The following LDB2 variants were observed in gnomAD, a reference collection of about 807,000 sequenced individuals.
LDB2 encodes LIM domain binding 2.
In LDB2, 12 loss-of-function variants were observed where a neutral mutation model predicts 44.3. The ratio of observed to expected loss-of-function variants is 0.27; its 90% CI spans 0.17 to 0.44. The LOEUF (loss-of-function observed/expected upper bound fraction) is 0.44, where lower values mean the gene tolerates loss of function less well. Ranked by LOEUF, LDB2 falls within the 20% of genes least tolerant of loss-of-function variation. The probability of loss-of-function intolerance (pLI) is 1.00; values close to 1 mark genes in which losing one functional copy is unlikely to be tolerated. For missense variants in LDB2, 344 were observed against 473.5 expected (o/e 0.73, Z 2.54); for synonymous variants, 164 against 174.8 (o/e 0.94, Z 0.49).
At chr4:16,807,984 G>T (rs1001673221) in intron 1 of LDB2, among the ~76,000 whole-genome samples, 8 of 151,908 alleles carry the variant, frequency 5.3e-5, no homozygotes, top group African/African-American at 9.7e-5. Context: ...TTTCCCCAAA[G>T]AATTTCTTTC....
At chr4:16,572,415 A>T (rs1746886067) in intron 5 of LDB2, among the ~76,000 whole-genome samples, 1 of 152,082 alleles carries the variant, frequency 6.6e-6, no homozygotes, top group Admixed American at 6.5e-5. Context: ...CTCTTTCTCT[A>T]GTGCCTGAGA....
At chr4:16,691,244 T>A (rs1332638059) in intron 2 of LDB2, among the ~76,000 whole-genome samples, 1 of 152,188 alleles carries the variant, frequency 6.6e-6, no homozygotes, top group Admixed American at 6.5e-5. Flanking sequence ...ACCTCTTTTA[T>A]GTGAAAAGGT....
intron 4 of LDB2, among the ~76,000 whole-genome samples, chr4:16,586,892 C>T (rs1717180987): frequency 6.6e-6 from 1 of 152,276 alleles, no homozygotes; most frequent in East Asian, 1.9e-4. Flanking sequence ...TCCACGTCTG[C>T]CTTCATGAGA....
At chr4:16,768,351 A>T (rs1038658915) in intron 1 of LDB2, among the ~76,000 whole-genome samples, 1 of 152,184 alleles carries the variant, frequency 6.6e-6, no homozygotes, top group Non-Finnish European at 1.5e-5. Flanking sequence ...TCTCTTGTAC[A>T]CACACATTTA....
chr4:16,735,626 G>A (rs1429711808), intron 2 of LDB2, among the ~76,000 whole-genome samples: 1 of 151,714 alleles, frequency 6.6e-6, no homozygotes, highest in African/African-American at 2.4e-5. Flanking sequence ...TACCTTAACC[G>A]AGAGATGAAA....
chr4:16,869,356 C>T (rs1472676835), intron 1 of LDB2, among the ~76,000 whole-genome samples: 5 of 150,422 alleles, frequency 3.3e-5, no homozygotes, highest in African/African-American at 1.2e-4. Flanking sequence ...AGGTGCTATG[C>T]TGACCCGTCA....
At chr4:16,761,007 G>GT (rs1396562637) in intron 1 of LDB2, among the ~76,000 whole-genome samples, 2 of 149,588 alleles carry the variant, frequency 1.3e-5, no homozygotes, top group East Asian at 3.9e-4. Flanking sequence ...CTGTGTGTGT[G>GT]GTTTTTTTTT....
intron 5 of LDB2, among the ~76,000 whole-genome samples, chr4:16,516,886 C>G (rs886164493): frequency 6.6e-6 from 1 of 152,138 alleles, no homozygotes; most frequent in South Asian, 2.1e-4. Flanking sequence ...GTGGAGAGTC[C>G]GGGGCTGGAG....
chr4:16,542,104 G>GGGC (rs1553889176), intron 5 of LDB2, among the ~76,000 whole-genome samples: 1 of 147,500 alleles, frequency 6.8e-6, no homozygotes, highest in Non-Finnish European at 1.5e-5. Context: ...CAGGTGGTGG[G>GGGC]GGGGGGGGCG....
chr4:16,889,057 C>T (rs1213640442), intron 1 of LDB2, among the ~76,000 whole-genome samples: 1 of 149,626 alleles, frequency 6.7e-6, no homozygotes, highest in Non-Finnish European at 1.5e-5. Context: ...CTGATTAGGA[C>T]AAATGTCTCT....
At chr4:16,688,690 G>A (rs1560886515) in intron 2 of LDB2, among the ~76,000 whole-genome samples, 1 of 152,142 alleles carries the variant, frequency 6.6e-6, no homozygotes, top group Non-Finnish European at 1.5e-5. Flanking sequence ...AGAATGGGCT[G>A]AATTTCAATG....
At chr4:16,890,406 G>C (rs1123395) in intron 1 of LDB2, among the ~76,000 whole-genome samples, 1 of 151,966 alleles carries the variant, frequency 6.6e-6, no homozygotes, top group African/African-American at 2.4e-5. Context: ...AGAGAGGCTG[G>C]GGGCTCGCAA....
At chr4:16,715,374 ATGAATAAATGCT>A (rs1756864233) in intron 2 of LDB2, among the ~76,000 whole-genome samples, 1 of 152,248 alleles carries the variant, frequency 6.6e-6, no homozygotes, top group Admixed American at 6.5e-5. Context: ...AGCTTTTTGA[ATGAATAAATGCT>A]TGAAATGTCT....
At chr4:16,697,996 T>C (rs1752591230) in intron 2 of LDB2, among the ~76,000 whole-genome samples, 1 of 152,226 alleles carries the variant, frequency 6.6e-6, no homozygotes, top group African/African-American at 2.4e-5. Flanking sequence ...ATGAATTCCA[T>C]TTTGTGTGTG....
At chr4:16,811,878 T>C (rs1223821382) in intron 1 of LDB2, among the ~76,000 whole-genome samples, 6 of 152,240 alleles carry the variant, frequency 3.9e-5, no homozygotes, top group African/African-American at 1.4e-4. Flanking sequence ...AGAAGGACTA[T>C]TATATTGTTC....
Position 16,512,934 on chromosome 4 carries a change from A to T in LDB2, c.616-830T>A, listed in dbSNP as rs183049133. Among the ~76,000 whole-genome samples, 4 of 152,352 alleles carry T rather than the reference A, an allele frequency of 2.6e-5. No individual in the cohort carries two copies. In the East Asian group the frequency reaches 7.7e-4, roughly 29 times the overall value. ...CCTTCTCAATTGGAAGCTCATCAGA[A>T]TACCACTGCATTGAGAATACTGTAC... is the stretch of plus-strand genomic sequence containing the variant. On this transcript the variant is annotated intron_variant, in intron 5 of 7. Coordinates refer to ENST00000304523, the MANE Select transcript of LDB2 (RefSeq NM_001290.5).
chr4:16,662,213 C>T (rs1483847771), intron 2 of LDB2, among the ~76,000 whole-genome samples: 3 of 152,180 alleles, frequency 2.0e-5, no homozygotes, highest in Non-Finnish European at 2.9e-5. Flanking sequence ...AGTCCCTACT[C>T]ATCAGACCCT....
At chr4:16,892,741 AAG>A (rs1281598678) in intron 1 of LDB2, among the ~76,000 whole-genome samples, 1 of 152,182 alleles carries the variant, frequency 6.6e-6, no homozygotes, top group African/African-American at 2.4e-5. Context: ...TTGTAATAAA[AAG>A]AGATTTATGG....
At chr4:16,723,609 C>A (rs1243246957) in intron 2 of LDB2, among the ~76,000 whole-genome samples, 1 of 152,102 alleles carries the variant, frequency 6.6e-6, no homozygotes, top group African/African-American at 2.4e-5. Context: ...CCATCTTATA[C>A]CTCCAAACTG....
Sources: allele counts gnomAD v4.1 joint callset (sites outside exome capture counted in the v4.1 genomes callset), GRCh38; gene constraint gnomAD v4.1.1; transcripts MANE v1.5; gene names NCBI Gene and HGNC (gene_info 2026-07-23, HGNC 2026-07-21).